Variants in TBC1D22A observed in about 807,000 individuals in gnomAD.
TBC1D22A encodes the protein putative GTPase activator.
A neutral mutation model predicts 60.2 loss-of-function variants in TBC1D22A; 38 were observed. That is an observed-to-expected ratio of 0.63 (90% confidence interval 0.49 to 0.83). The LOEUF (loss-of-function observed/expected upper bound fraction) is 0.83. TBC1D22A is among the 40% of genes least tolerant of loss of function. TBC1D22A has a pLI of 0.00. For missense variants in TBC1D22A, 628 were observed against 701.0 expected, an observed-to-expected ratio of 0.90 and a Z score of 1.18; for synonymous variants, 302 against 281.7, an observed-to-expected ratio of 1.07 and a Z score of -0.72.
At chr22:46,808,095 T>C (rs977380976) in intron 4 of TBC1D22A, among the ~76,000 whole-genome samples, 22 of 152,344 alleles carry the variant, frequency 1.4e-4, no homozygotes, top group South Asian at 6.2e-4. Flanking sequence ...CGGTGGCTTA[T>C]GCCTGTAATC....
intron 12 of TBC1D22A, among the ~76,000 whole-genome samples, chr22:47,166,630 T>TC (rs959771183): frequency 1.3e-5 from 2 of 152,226 alleles, no homozygotes; most frequent in African/African-American, 4.8e-5. Flanking sequence ...TGTTTATTTC[T>TC]CCATCTGTTG....
chr22:46,976,832 C>T (rs1569296516), intron 9 of TBC1D22A, among the ~76,000 whole-genome samples: 1 of 152,152 alleles, frequency 6.6e-6, no homozygotes, highest in African/African-American at 2.4e-5. Context: ...CTGTGGCAGC[C>T]GTCCACGCCG....
At chr22:47,071,584 C>T (rs75221410) in intron 11 of TBC1D22A, among the ~76,000 whole-genome samples, 2,777 of 152,320 alleles carry the variant, frequency 0.018, 32 homozygotes, top group Middle Eastern at 0.065. Flanking sequence ...GCCCTTCACT[C>T]GGGGCCGGCG....
intron 8 of TBC1D22A, among the ~76,000 whole-genome samples, chr22:46,947,942 T>C (rs1437871011): frequency 1.3e-5 from 2 of 152,210 alleles, no homozygotes; most frequent in Non-Finnish European, 2.9e-5. Context: ...TTGCCAGGGC[T>C]TTTAGAATCC....
chr22:46,975,615 C>G (rs2074265666), intron 9 of TBC1D22A, among the ~76,000 whole-genome samples: 1 of 152,162 alleles, frequency 6.6e-6, no homozygotes. Context: ...TCTGCATTGC[C>G]TAGCAGGGCT....
At position 46,906,426 on chromosome 22, in the gene TBC1D22A, G is replaced by A. The variant is rs564512912; in HGVS notation, c.901-5648G>A. ...TTTAGGATAGGTTAGCTGCCTGGGC[G>A]CCGCTGTCTACAGTGGGAATGGTGG... On this transcript the variant is annotated intron_variant, in intron 7 of 12. Transcript: ENST00000337137. Among the ~76,000 whole-genome samples, 23 of 152,268 alleles carry A rather than the reference G, an allele frequency of 1.5e-4. No individual in the cohort carries two copies. In the South Asian group the frequency reaches 3.5e-3, roughly 23 times the overall value.
chr22:47,076,752 AAACAAC>A (rs982105082), intron 11 of TBC1D22A, among the ~76,000 whole-genome samples: 1 of 152,080 alleles, frequency 6.6e-6, no homozygotes, highest in Non-Finnish European at 1.5e-5. Context: ...GGGGGAAAAC[AAACAAC>A]AACAGCAACA....
intron 11 of TBC1D22A, among the ~76,000 whole-genome samples, chr22:47,107,530 A>G (rs868568645): frequency 6.6e-6 from 1 of 152,258 alleles, no homozygotes; most frequent in Non-Finnish European, 1.5e-5. Context: ...AAAAACAGAT[A>G]TAATAGACCT....
At chr22:47,052,480 C>T (rs1324635954) in intron 11 of TBC1D22A, among the ~76,000 whole-genome samples, 1 of 152,102 alleles carries the variant, frequency 6.6e-6, no homozygotes, top group Non-Finnish European at 1.5e-5. Context: ...TGGATGGGCC[C>T]CCTGGGGAGC....
intron 1 of TBC1D22A, among the ~76,000 whole-genome samples, chr22:46,767,590 C>T (rs1255658866): frequency 6.6e-6 from 1 of 152,104 alleles, no homozygotes; most frequent in Non-Finnish European, 1.5e-5. Flanking sequence ...TAACATAGCT[C>T]AGTTAAATGG....
chr22:47,142,535 TACCCATCCATCCACCC>T (rs2067137179), intron 12 of TBC1D22A, among the ~76,000 whole-genome samples: 1 of 65,614 alleles, frequency 1.5e-5, no homozygotes, highest in Non-Finnish European at 2.9e-5. Flanking sequence ...TCCATCCACC[TACCCATCCATCCACCC>T]ACCCACCCAT....
rs577064917 is a variant in TBC1D22A at position 46,899,729 on chromosome 22, G to A, written c.900+4883G>A. ...TCCACTAGCAGGGATAATAAGACGT[G>A]GGTAGAGAATGCCATACCCCCACTT... On this transcript the variant is annotated intron_variant, in intron 7 of 12. Coordinates refer to ENST00000337137, the MANE Select transcript of TBC1D22A (RefSeq NM_014346.5). Among the ~76,000 whole-genome samples the A allele has an allele frequency of 2.6e-5, 4 of 152,190 alleles. No individual in the cohort carries two copies. The South Asian group carries it at 8.3e-4, about 32-fold the overall frequency.
intron 4 of TBC1D22A, among the ~76,000 whole-genome samples, chr22:46,821,306 A>G (rs1025007133): frequency 1.3e-5 from 2 of 152,110 alleles, no homozygotes; most frequent in African/African-American, 4.8e-5. Context: ...TTTGCACACT[A>G]GTTGATGCAG....
intron 11 of TBC1D22A, among the ~76,000 whole-genome samples, chr22:47,057,204 C>G (rs2063422369): frequency 6.6e-6 from 1 of 152,196 alleles, no homozygotes; most frequent in African/African-American, 2.4e-5. Flanking sequence ...CTTCCTCAGT[C>G]AGGTTGAGGC....
intron 4 of TBC1D22A, among the ~76,000 whole-genome samples, chr22:46,838,957 C>G (rs999962549): frequency 1.2e-4 from 19 of 152,168 alleles, no homozygotes; most frequent in African/African-American, 4.1e-4. Flanking sequence ...TTACAAATGC[C>G]TTTCCTCTAA....
intron 4 of TBC1D22A, among the ~76,000 whole-genome samples, chr22:46,843,818 G>A (rs1205809851): frequency 3.3e-5 from 5 of 151,952 alleles, no homozygotes; most frequent in South Asian, 2.1e-4. Context: ...CATTCACAGC[G>A]GATTGACCTG....
chr22:47,005,170 T>C (rs990345874), intron 10 of TBC1D22A, among the ~76,000 whole-genome samples: 2 of 151,568 alleles, frequency 1.3e-5, no homozygotes, highest in Non-Finnish European at 2.9e-5. Context: ...CACATACCAC[T>C]ATACACACGT....
intron 12 of TBC1D22A, among the ~76,000 whole-genome samples, chr22:47,153,836 A>G (rs1431523884): frequency 6.6e-6 from 1 of 152,176 alleles, no homozygotes; most frequent in Non-Finnish European, 1.5e-5. Context: ...ATCAAGGTAA[A>G]GACCCACAAG....
At chr22:47,083,946 T>C (rs1016781871) in intron 11 of TBC1D22A, among the ~76,000 whole-genome samples, 15 of 152,190 alleles carry the variant, frequency 9.9e-5, no homozygotes, top group Non-Finnish European at 1.5e-5. Flanking sequence ...GGATTCAAGT[T>C]AATAAAATTT....
Sources: allele counts gnomAD v4.1 joint callset (sites outside exome capture counted in the v4.1 genomes callset), GRCh38; gene constraint gnomAD v4.1.1; transcripts MANE v1.5; gene names NCBI Gene and HGNC (gene_info 2026-07-23, HGNC 2026-07-21).